The following DERL2 variants were observed in gnomAD, a reference collection of about 807,000 sequenced individuals.
DERL2 encodes derlin 2.
Under a neutral mutation model 32.0 loss-of-function variants are expected in DERL2, and 13 were observed. That is an observed-to-expected ratio of 0.41 (90% CI 0.26 to 0.65). DERL2 has a LOEUF of 0.65. Ranked by LOEUF, DERL2 falls within the 30% of genes least tolerant of loss-of-function variation. The pLI is 0.35. For missense variants in DERL2, 208 were observed against 296.3 expected (o/e 0.70, Z 2.19); for synonymous variants, 111 against 104.7 (o/e 1.06, Z -0.37).
At chr17:5,485,804 G>T in intron 1 of DERL2, 1 of 382,444 alleles carries the variant, frequency 2.6e-6, no homozygotes, top group Non-Finnish European at 4.7e-6. Flanking sequence ...TTTCTTGGGT[G>T]GGAGGCTCCC....
chr17:5,480,311 C>T, intron 5 of DERL2, 76 bp downstream of exon 5: 1 of 1,452,754 alleles, frequency 6.9e-7, no homozygotes, highest in Non-Finnish European at 9.4e-7. Flanking sequence ...GAAGGCCAAA[C>T]AGAATAAACA....
In DERL2 at chr17:5,473,767, C is replaced by A. The variant is rs1905227108; in HGVS notation, c.*917G>T. 1.3e-5 allele frequency: 2 copies of A among 150,520 alleles called. No homozygotes were observed. The highest frequency in any genetic ancestry group is 1.3e-4 in the Admixed American group (2 of 15,140). The allele number at this position is 150,520 out of a possible 1,614,324, so 9.3% of individuals were successfully genotyped here. A position where few individuals can be genotyped will look rare whatever the true frequency, so the allele number is the denominator to read the frequency against. ...AGGAGTTCAAGACCAGCCTGGGCAA[C>A]ACAGTGAGACCCCATCTGTATTTAA... On this transcript the variant is annotated 3_prime_UTR_variant, in exon 7 of 7. Transcript: ENST00000158771.
chr17:5,471,394 T>C lies in DERL2; in HGVS notation c.*3290A>G, dbSNP rs572638071. 1 of 152,364 alleles carries C rather than the reference T, an allele frequency of 6.6e-6. No individual in the cohort carries two copies. The highest frequency in any genetic ancestry group is 2.4e-5 in the African/African-American group (1 of 41,568). 9.4% of individuals were successfully genotyped at this position (152,364 alleles called of 1,614,324 possible). A position where few individuals can be genotyped will look rare whatever the true frequency, so the allele number is the denominator to read the frequency against. ...TCTCATGAGGGAGACAAGACTAATA[T>C]ACATGTACCAGCTAGGAACAGTACA... On this transcript the variant is annotated 3_prime_UTR_variant, in exon 7 of 7. Transcript: ENST00000158771.
upstream of DERL2, chr17:5,486,294 C>T (rs186918169): frequency 1.2e-4 from 82 of 673,442 alleles, no homozygotes; most frequent in Admixed American, 3.3e-4. Flanking sequence ...CAACGCCAAG[C>T]AACCGCAATC....
chr17:5,485,020 T>C, intron 2 of DERL2, 131 bp downstream of exon 2: 1 of 543,092 alleles, frequency 1.8e-6, no homozygotes, highest in Non-Finnish European at 3.1e-6. Context: ...CTTTATATCC[T>C]GACAAGGCAA....
chr17:5,481,728 C>T lies in DERL2; in HGVS notation c.234-339G>A, dbSNP rs1185635146. Among the ~76,000 whole-genome samples the T allele has an allele frequency of 6.6e-6, 1 of 151,954 alleles. No individual in the cohort carries two copies. The highest frequency in any genetic ancestry group is 1.5e-5 in the Non-Finnish European group (1 of 68,012). Reference sequence around the variant, plus strand: ...GCAATGGTGCCATATCGGCTCACTGCAAGCTCCGCCTCTCAGATTCAAGCG... The same window carrying T: ...GCAATGGTGCCATATCGGCTCACTGTAAGCTCCGCCTCTCAGATTCAAGCG... On this transcript the variant is annotated intron_variant, in intron 3 of 6. Coordinates refer to ENST00000158771, the MANE Select transcript of DERL2 (RefSeq NM_016041.5). This position sits in a 1 kb window ranked among gnomAD's most constrained non-coding sequence, Gnocchi z 4.4.
chr17:5,473,650 A>T lies in DERL2; in HGVS notation c.*1034T>A, dbSNP rs1464494259. The T allele has an allele frequency of 9.1e-6, 1 of 109,932 alleles. No homozygotes were observed. The highest frequency in any genetic ancestry group is 8.6e-5 in the Admixed American group (1 of 11,690). The allele number at this position is 109,932 out of a possible 1,614,324, so 6.8% of individuals were successfully genotyped here. A position where few individuals can be genotyped will look rare whatever the true frequency, so the allele number is the denominator to read the frequency against. On this transcript the variant is annotated 3_prime_UTR_variant, in exon 7 of 7. Coordinates refer to ENST00000158771, the MANE Select transcript of DERL2 (RefSeq NM_016041.5). ...AAACAAAAAACAAAACAAAACAAAA[A>T]AGGCAAAAAAAAAAAAAATGGCTGG... is the stretch of plus-strand genomic sequence containing the variant.
At position 5,486,147 on chromosome 17, in the gene DERL2, G is replaced by A. The variant is rs766238801; in HGVS notation, c.15C>T (p.Ser5=). The A allele has an allele frequency of 2.1e-5, 34 of 1,609,334 alleles. 1 individual carries two copies. The South Asian group carries it at 2.5e-4, about 12-fold the overall frequency. MAYQ[S]LRLEYLQIPP... ...GGATCTGCAGGTACTCCAGCCGCAA[G>A]CTCTGGTACGCCATCTTCCCCACCG... The change falls in exon 1 of 7, where the codon AGC becomes AGT. Residue 5 remains serine, a synonymous_variant. Transcript: ENST00000158771.
Position 5,473,537 on chromosome 17 carries a change from G to A in DERL2, c.*1147C>T, listed in dbSNP as rs1905213601. The A allele has an allele frequency of 6.6e-6, 1 of 151,112 alleles. No homozygotes were observed. 9.4% of individuals were successfully genotyped at this position (151,112 alleles called of 1,614,324 possible). A position where few individuals can be genotyped will look rare whatever the true frequency, so the allele number is the denominator to read the frequency against. Reference sequence around the variant, plus strand: ...ATGCCTAGCTAACTGGTATCTGTTCGTCTGGCTCCAAAGTCAACATTCTAA... The same window carrying A: ...ATGCCTAGCTAACTGGTATCTGTTCATCTGGCTCCAAAGTCAACATTCTAA... On this transcript the variant is annotated 3_prime_UTR_variant, in exon 7 of 7. Coordinates refer to ENST00000158771, the MANE Select transcript of DERL2 (RefSeq NM_016041.5).
chr17:5,481,539 C>CT lies in DERL2; in HGVS notation c.234-151dup. The CT allele has an allele frequency of 1.6e-6, 1 of 634,864 alleles. No homozygotes were observed. Among genetic ancestry groups the CT allele is most frequent in the Non-Finnish European group, 2.7e-6 (1 of 367,082 alleles). 39.3% of individuals were successfully genotyped at this position (634,864 alleles called of 1,614,324 possible). On this transcript the variant is annotated intron_variant, in intron 3 of 6. Transcript: ENST00000158771. This position sits in a 1 kb window ranked among gnomAD's most constrained non-coding sequence, Gnocchi z 4.4. ...GAATGTTTGAGTGGTAATGTGATTA[C>CT]TTTTTTACCAAGCATTTGAGAAAAG...
Position 5,482,883 on chromosome 17 carries a change from C to A in DERL2, c.160-1G>T. 1 of 1,446,932 alleles carries A rather than the reference C, an allele frequency of 6.9e-7. No homozygotes were observed. Among genetic ancestry groups the A allele is most frequent in the Non-Finnish European group, 9.5e-7 (1 of 1,054,230 alleles). The allele number at this position is 1,446,932 out of a possible 1,614,324, so 89.6% of individuals were successfully genotyped here. ...AGAAGTTGGTGATTAATCTCCATAT[C>A]TGTTAAAAAAAAATCAAGAGAAAGA... On this transcript the variant is annotated splice_acceptor_variant, in intron 2 of 6. Transcript: ENST00000158771. LOFTEE classifies it high-confidence loss of function.
intron 6 of DERL2, among the ~76,000 whole-genome samples, chr17:5,475,353 G>A (rs570969498): frequency 2.7e-5 from 4 of 150,248 alleles, no homozygotes; most frequent in South Asian, 4.3e-4. Context: ...TCCGCCTCCC[G>A]GATTCAAGCA....
chr17:5,475,871 C>G (rs1905350228), intron 6 of DERL2, among the ~76,000 whole-genome samples: 1 of 152,092 alleles, frequency 6.6e-6, no homozygotes, highest in African/African-American at 2.4e-5. Context: ...CACTTAGGTA[C>G]AGAGTAGTCA....
chr17:5,480,041 G>GTTAA lies in DERL2; in HGVS notation c.614+9_614+12dup. ...TGCCTGTAAGAGTATGTAACCTGGT[G>GTTAA]TTAAATACTCACAAAATAGATGGTG... On this transcript the variant is annotated intron_variant, in intron 6 of 6. Transcript: ENST00000158771. 1 of 1,547,602 alleles carries GTTAA rather than the reference G, an allele frequency of 6.5e-7. No individual in the cohort carries two copies. The highest frequency in any genetic ancestry group is 1.1e-5 in the South Asian group (1 of 88,994).
Position 5,474,063 on chromosome 17 carries a change from C to T in DERL2, c.*621G>A, listed in dbSNP as rs557262625. On this transcript the variant is annotated 3_prime_UTR_variant, in exon 7 of 7. Coordinates refer to ENST00000158771, the MANE Select transcript of DERL2 (RefSeq NM_016041.5). The surrounding 1 kb of genome is among the most constrained non-coding windows in gnomAD (Gnocchi z 4.3). ...AAACCCAGATGCAAAACAACCTATC[C>T]AGATGACAGAAATAAATCATCTTCC... 6.6e-6 allele frequency: 1 copy of T among 152,124 alleles called. No individual in the cohort carries two copies. The highest frequency in any genetic ancestry group is 2.1e-4 in the South Asian group (1 of 4,818). The allele number at this position is 152,124 out of a possible 1,614,324, so 9.4% of individuals were successfully genotyped here.
Position 5,474,809 on chromosome 17 carries a change from T to TA in DERL2, c.615-21dup, listed in dbSNP as rs1905285868. 2 of 1,603,012 alleles carry TA rather than the reference T, an allele frequency of 1.2e-6. No individual in the cohort carries two copies. The highest frequency in any genetic ancestry group is 1.3e-5 in the African/African-American group (1 of 74,684). ...GCTTTCCTAAAAGACAAGCAACAGA[T>TA]ATAATTTGGTCCCAGAGTCATCTCA... On this transcript the variant is annotated intron_variant, in intron 6 of 6. Transcript: ENST00000158771. The surrounding 1 kb of genome is among the most constrained non-coding windows in gnomAD (Gnocchi z 4.3).
At chr17:5,485,768 G>A (rs1236897912) in intron 1 of DERL2, 5 of 341,356 alleles carry the variant, frequency 1.5e-5, no homozygotes, top group Admixed American at 1.4e-4. Context: ...GGTACCACCT[G>A]GCCATTGGCA....
upstream of DERL2, chr17:5,486,448 C>A: frequency 3.1e-6 from 1 of 324,322 alleles, no homozygotes; most frequent in Non-Finnish European, 5.7e-6. Context: ...CTGCCAATCC[C>A]CGCCGGCCAC....
rs1905750843 is a variant in DERL2, at chr17:5,481,140, CT to C, written c.327+155del. ...CCTTTGACTTGCTCATCCTGTCCGA[CT>C]GCTAGGTTTGGAAACTTGTCACAGA... On this transcript the variant is annotated intron_variant, in intron 4 of 6. Transcript: ENST00000158771. The surrounding 1 kb of genome is among the most constrained non-coding windows in gnomAD (Gnocchi z 4.4). 4.4e-6 allele frequency: 3 copies of C among 689,110 alleles called. No homozygotes were observed. The East Asian group carries it at 8.1e-5, about 19-fold the overall frequency. 42.7% of individuals were successfully genotyped at this position (689,110 alleles called of 1,614,324 possible). A position where few individuals can be genotyped will look rare whatever the true frequency, so the allele number is the denominator to read the frequency against.
Sources: gnomAD v4.1 joint callset for allele counts (sites outside exome capture counted in the v4.1 genomes callset) on GRCh38, gnomAD v4.1.1 for gene constraint, Gnocchi (gnomAD v3.1) non-coding constraint, MANE v1.5 for transcripts, NCBI Gene and HGNC (gene_info 2026-07-23, HGNC 2026-07-21) for gene names.